Variants in NGF observed in about 807,000 individuals in gnomAD.
The protein encoded by NGF is nerve growth factor.
Under a neutral mutation model 12.8 loss-of-function variants are expected in NGF, and 4 were observed. The observed-to-expected ratio is 0.31, with a 90% CI of 0.15 to 0.72. The LOEUF (loss-of-function observed/expected upper bound fraction) is 0.72, where lower values mean the gene tolerates loss of function less well. Among genes scored for constraint, NGF ranks in the 30% least tolerant of loss-of-function variants. The pLI, the probability that NGF is intolerant of heterozygous loss-of-function variation, is 0.69. For synonymous variants in NGF, 140 were observed against 130.0 expected (o/e 1.08, Z -0.52); for missense variants, 283 against 330.8 (o/e 0.86, Z 1.12).
At chr1:115,326,878 G>A (rs4565713) in intron 1 of NGF, among the ~76,000 whole-genome samples, 89,554 of 151,996 alleles carry the variant, frequency 0.59, 27,761 homozygotes, top group Non-Finnish European at 0.7. Context: ...ACCATATCCA[G>A]TGCAACAGCC....
chr1:115,335,889 T>TAA (rs913489476), intron 1 of NGF, among the ~76,000 whole-genome samples: 2 of 152,196 alleles, frequency 1.3e-5, no homozygotes, highest in African/African-American at 4.8e-5. Flanking sequence ...CAGCACTCTT[T>TAA]AAAAAGTAAA....
chr1:115,321,455 A>G (rs936992019), intron 1 of NGF, among the ~76,000 whole-genome samples: 1 of 151,906 alleles, frequency 6.6e-6, no homozygotes, highest in Non-Finnish European at 1.5e-5. Context: ...GGACTGAATT[A>G]TTTCCCATTA....
intron 1 of NGF, among the ~76,000 whole-genome samples, chr1:115,322,540 A>G (rs1296342559): frequency 6.6e-6 from 1 of 152,088 alleles, no homozygotes; most frequent in Non-Finnish European, 1.5e-5. Flanking sequence ...AAATTGTGAA[A>G]TAGTGCCTTA....
Position 115,286,331 on chromosome 1 carries a change from C to T in NGF, c.465G>A (p.Lys155=). 1 of 1,614,224 alleles carries T rather than the reference C, an allele frequency of 6.2e-7. No homozygotes were observed. Among genetic ancestry groups the T allele is most frequent in the Non-Finnish European group, 8.5e-7 (1 of 1,180,044 alleles). The part of the protein sequence containing the change: ...DKTTATDIKG[K]EVMVLGEVNI... ...TCACCTCTCCCAACACCATCACCTC[C>T]TTGCCCTTGATGTCTGTGGCGGTGG... The change falls in exon 3 of 3, where the codon AAG becomes AAA. Residue 155 remains lysine (K), a synonymous_variant. Transcript: ENST00000369512.
chr1:115,297,849 A>G (rs1429619387), intron 1 of NGF, among the ~76,000 whole-genome samples: 1 of 152,110 alleles, frequency 6.6e-6, no homozygotes, highest in Non-Finnish European at 1.5e-5. Context: ...CCTGTGTCTC[A>G]CCTTCAGAGA....
intron 1 of NGF, among the ~76,000 whole-genome samples, chr1:115,301,750 A>T (rs1654044152): frequency 6.6e-6 from 1 of 152,196 alleles, no homozygotes; most frequent in Non-Finnish European, 1.5e-5. Context: ...TTTGTTTTTG[A>T]AATATCCATT....
chr1:115,337,739 C>T (rs551219851), intron 1 of NGF, among the ~76,000 whole-genome samples: 4 of 152,276 alleles, frequency 2.6e-5, no homozygotes, highest in South Asian at 2.1e-4. Context: ...TTTCCCTACT[C>T]GGCGCTCACC....
intron 1 of NGF, among the ~76,000 whole-genome samples, chr1:115,323,001 C>T (rs557052303): frequency 1.3e-5 from 2 of 152,292 alleles, no homozygotes; most frequent in South Asian, 2.1e-4. Flanking sequence ...CTAAGTGTTA[C>T]ATATGTTCTC....
chr1:115,297,346 T>A (rs544436352), intron 1 of NGF, among the ~76,000 whole-genome samples: 1 of 152,308 alleles, frequency 6.6e-6, no homozygotes, highest in East Asian at 1.9e-4. Context: ...AGTCCACTGC[T>A]GTAGACCACC....
At chr1:115,327,030 G>A (rs1409461123) in intron 1 of NGF, among the ~76,000 whole-genome samples, 1 of 152,066 alleles carries the variant, frequency 6.6e-6, no homozygotes, top group Non-Finnish European at 1.5e-5. Flanking sequence ...CCTAAATCTA[G>A]GTATTACTGA....
intron 1 of NGF, among the ~76,000 whole-genome samples, chr1:115,337,775 C>G (rs990191091): frequency 7.2e-5 from 11 of 152,166 alleles, no homozygotes; most frequent in Admixed American, 2.6e-4. Flanking sequence ...TGCGCTCCCC[C>G]CGCGGTGCTG....
chr1:115,302,303 G>C (rs949370476), intron 1 of NGF, among the ~76,000 whole-genome samples: 2 of 152,180 alleles, frequency 1.3e-5, no homozygotes, highest in Non-Finnish European at 2.9e-5. Context: ...AAGAATCTAA[G>C]ACCCTCGTTC....
At chr1:115,319,806 A>G (rs1344433158) in intron 1 of NGF, among the ~76,000 whole-genome samples, 1 of 152,184 alleles carries the variant, frequency 6.6e-6, no homozygotes, top group Non-Finnish European at 1.5e-5. Context: ...AGGAAGAACA[A>G]TGTCAGCCTA....
At chr1:115,319,244 CCTT>C (rs1357989031) in intron 1 of NGF, among the ~76,000 whole-genome samples, 2 of 152,136 alleles carry the variant, frequency 1.3e-5, no homozygotes, top group East Asian at 3.9e-4. Flanking sequence ...CGGTGACTGG[CCTT>C]CTTCTTCAAG....
At chr1:115,312,552 T>G (rs1309421459) in intron 1 of NGF, among the ~76,000 whole-genome samples, 2 of 152,214 alleles carry the variant, frequency 1.3e-5, no homozygotes, top group Non-Finnish European at 2.9e-5. Flanking sequence ...CTGTATCACA[T>G]GAAAATGCTG....
intron 1 of NGF, among the ~76,000 whole-genome samples, chr1:115,307,018 C>T (rs973164236): frequency 1.3e-5 from 2 of 152,160 alleles, no homozygotes; most frequent in Non-Finnish European, 2.9e-5. Context: ...GGGCTAAGCC[C>T]AGGTCAGGGA....
intron 1 of NGF, among the ~76,000 whole-genome samples, chr1:115,315,793 G>A (rs1430704158): frequency 6.6e-6 from 1 of 152,124 alleles, no homozygotes; most frequent in African/African-American, 2.4e-5. Context: ...AGCTCGCTGA[G>A]GTTCATTACG....
At chr1:115,329,658 C>G (rs1167786110) in intron 1 of NGF, among the ~76,000 whole-genome samples, 1 of 151,728 alleles carries the variant, frequency 6.6e-6, no homozygotes, top group African/African-American at 2.4e-5. Flanking sequence ...AAATGTTACT[C>G]TATGCTCTTT....
chr1:115,321,920 A>G (rs1654641884), intron 1 of NGF, among the ~76,000 whole-genome samples: 1 of 152,190 alleles, frequency 6.6e-6, no homozygotes, highest in African/African-American at 2.4e-5. Context: ...GCATGCACAC[A>G]GTGAGGACGC....
Sources: allele counts gnomAD v4.1 joint callset (sites outside exome capture counted in the v4.1 genomes callset), GRCh38; gene constraint gnomAD v4.1.1; transcripts MANE v1.5; gene names NCBI Gene and HGNC (gene_info 2026-07-23, HGNC 2026-07-21).